UBE2E3: variants seen among roughly 807,000 people sequenced by gnomAD.
UBE2E3 encodes the protein ubiquitin conjugating enzyme E2 E3, also known as ubiquitin-conjugating enzyme E2 E3.
UBE2E3 carries 5 observed loss-of-function variants against 23.6 expected under a neutral mutation model. The observed-to-expected ratio is 0.21, with a 90% CI of 0.11 to 0.44. The LOEUF (loss-of-function observed/expected upper bound fraction) is 0.44, where lower values mean the gene tolerates loss of function less well. UBE2E3 is among the 20% of genes least tolerant of loss of function. UBE2E3 has a pLI of 0.99. For missense variants in UBE2E3, 81 were observed against 249.8 expected, an observed-to-expected ratio of 0.32 and a Z score of 4.55; for synonymous variants, 78 against 87.5, an observed-to-expected ratio of 0.89 and a Z score of 0.60.
At chr2:180,985,921 T>C (rs775675710) in intron 3 of UBE2E3, among the ~76,000 whole-genome samples, 10 of 151,448 alleles carry the variant, frequency 6.6e-5, no homozygotes, top group Non-Finnish European at 5.9e-5. Flanking sequence ...GCCAAAGAAA[T>C]CTACTTTACA....
intron 3 of UBE2E3, among the ~76,000 whole-genome samples, chr2:181,005,124 A>T (rs1685111440): frequency 6.6e-6 from 1 of 152,214 alleles, no homozygotes. Flanking sequence ...TGGCTCACAT[A>T]ACTGATAAAG....
At chr2:181,033,644 CA>C (rs1686162297) in intron 3 of UBE2E3, among the ~76,000 whole-genome samples, 1 of 152,088 alleles carries the variant, frequency 6.6e-6, no homozygotes, top group African/African-American at 2.4e-5. Context: ...TCTAAAACAC[CA>C]AAAGCAATGG....
intron 3 of UBE2E3, among the ~76,000 whole-genome samples, chr2:180,989,647 G>A (rs1453585651): frequency 6.6e-6 from 1 of 152,074 alleles, no homozygotes; most frequent in Non-Finnish European, 1.5e-5. Flanking sequence ...GTGACCAACT[G>A]AAAATAATAT....
intron 3 of UBE2E3, among the ~76,000 whole-genome samples, chr2:181,021,477 TTCTC>T (rs565332415): frequency 3.8e-5 from 5 of 132,778 alleles, no homozygotes; most frequent in African/African-American, 5.7e-5. Context: ...TTCTCTTTCT[TTCTC>T]TCTCTCTCTT....
chr2:181,026,863 T>C (rs939090731), intron 3 of UBE2E3, among the ~76,000 whole-genome samples: 1 of 142,320 alleles, frequency 7.0e-6, no homozygotes, highest in Non-Finnish European at 1.6e-5. Context: ...CCAACTTTGA[T>C]TATTGATCAT....
At chr2:180,987,210 T>A in intron 3 of UBE2E3, 1 of 1,010,082 alleles carries the variant, frequency 9.9e-7, no homozygotes, top group Non-Finnish European at 1.4e-6. Context: ...TATAAATAAT[T>A]TATACATCAA....
rs200643146 is a variant in UBE2E3, at chr2:181,048,221, G to GT, written c.246-9465dup. On this transcript the variant is annotated intron_variant, in intron 3 of 5. Coordinates refer to ENST00000410062, the MANE Select transcript of UBE2E3 (RefSeq NM_006357.4). Reference sequence around the variant, plus strand: ...GCCTTTGTAGCGTTTTCTGTTTTATGTTTTTTTGTGAGTTTATTTGATTAA... The same window carrying GT: ...GCCTTTGTAGCGTTTTCTGTTTTATGTTTTTTTTGTGAGTTTATTTGATTAA... Among the ~76,000 whole-genome samples the GT allele has an allele frequency of 4.6e-5, 7 of 152,142 alleles. No individual in the cohort carries two copies. In the East Asian group the frequency reaches 7.7e-4, roughly 17 times the overall value.
chr2:181,021,475 CTT>C (rs1377132719), intron 3 of UBE2E3, among the ~76,000 whole-genome samples: 3 of 125,380 alleles, frequency 2.4e-5, no homozygotes, highest in Non-Finnish European at 4.9e-5. Flanking sequence ...TTTTCTCTTT[CTT>C]TCTCTCTCTC....
intron 3 of UBE2E3, among the ~76,000 whole-genome samples, chr2:180,985,997 A>G (rs373524979): frequency 8.6e-4 from 131 of 152,236 alleles, no homozygotes; most frequent in African/African-American, 3.0e-3. Flanking sequence ...GAATCTTTCA[A>G]TGAGATAGGA....
chr2:181,035,965 G>A (rs1391225271), intron 3 of UBE2E3, among the ~76,000 whole-genome samples: 1 of 152,182 alleles, frequency 6.6e-6, no homozygotes, highest in African/African-American at 2.4e-5. Flanking sequence ...AATGTGGTAA[G>A]TGATGTCAGT....
rs544717577 is a variant in UBE2E3, at chr2:181,058,189, CTGTT to C, written c.378+367_378+370del. On this transcript the variant is annotated intron_variant, in intron 4 of 5. Transcript: ENST00000410062. ...GAAGGTATTAGGATAAAAAGTAAAA[CTGTT>C]TGACAGCTTCCAGAAATAAGGGTTT... 7.9e-5 allele frequency among the ~76,000 whole-genome samples: 12 copies of C among 151,752 alleles called. No individual in the cohort carries two copies. In the East Asian group the frequency reaches 1.4e-3, roughly 17 times the overall value.
intron 3 of UBE2E3, among the ~76,000 whole-genome samples, chr2:180,996,054 A>T (rs373802159): frequency 5.6e-4 from 85 of 152,108 alleles, no homozygotes; most frequent in African/African-American, 1.8e-3. Flanking sequence ...TTGTATTTCA[A>T]CCCATTGTAG....
intron 3 of UBE2E3, among the ~76,000 whole-genome samples, chr2:181,005,957 A>G (rs1329006848): frequency 1.3e-5 from 2 of 152,194 alleles, no homozygotes; most frequent in African/African-American, 2.4e-5. Flanking sequence ...TGTAGCCCAG[A>G]TTTTGGCTCA....
intron 3 of UBE2E3, among the ~76,000 whole-genome samples, chr2:181,004,372 C>T (rs958708836): frequency 2.6e-5 from 4 of 152,148 alleles, no homozygotes; most frequent in African/African-American, 9.7e-5. Context: ...TGGTGGCTCG[C>T]ACCTGTAATC....
chr2:181,044,434 C>T (rs1686609892), intron 3 of UBE2E3, among the ~76,000 whole-genome samples: 1 of 151,936 alleles, frequency 6.6e-6, no homozygotes, highest in South Asian at 2.1e-4. Flanking sequence ...TCAGGGCAAA[C>T]CCAGATCATA....
chr2:180,991,633 A>AT (rs1224466325), intron 3 of UBE2E3, among the ~76,000 whole-genome samples: 4 of 151,684 alleles, frequency 2.6e-5, no homozygotes, highest in Non-Finnish European at 4.4e-5. Flanking sequence ...AAAACATGAG[A>AT]TTTTTTTTGC....
At chr2:181,030,339 A>G (rs1686037154) in intron 3 of UBE2E3, among the ~76,000 whole-genome samples, 1 of 151,912 alleles carries the variant, frequency 6.6e-6, no homozygotes, top group South Asian at 2.1e-4. Flanking sequence ...TTTGAGACGG[A>G]GTCTTGCTCT....
intron 3 of UBE2E3, among the ~76,000 whole-genome samples, chr2:181,053,025 C>A (rs1686888322): frequency 6.6e-6 from 1 of 151,804 alleles, no homozygotes; most frequent in Non-Finnish European, 1.5e-5. Flanking sequence ...AGTCGTTTCA[C>A]CACCCTTTAA....
chr2:181,014,659 A>G (rs1198173208), intron 3 of UBE2E3, among the ~76,000 whole-genome samples: 2 of 152,156 alleles, frequency 1.3e-5, no homozygotes, highest in Non-Finnish European at 2.9e-5. Flanking sequence ...AGGACTGGAT[A>G]ATCTTTATTG....
Sources: gnomAD v4.1 joint callset for allele counts (sites outside exome capture counted in the v4.1 genomes callset) on GRCh38, gnomAD v4.1.1 for gene constraint, MANE v1.5 for transcripts, NCBI Gene and HGNC (gene_info 2026-07-23, HGNC 2026-07-21) for gene names.